NECTIN2: variants seen among roughly 807,000 people sequenced by gnomAD.
NECTIN2 encodes nectin cell adhesion molecule 2, also known as nectin-2.
In NECTIN2, 23 loss-of-function variants were observed where a neutral mutation model predicts 56.9. The observed-to-expected ratio is 0.40, with a 90% CI of 0.29 to 0.57. The LOEUF (loss-of-function observed/expected upper bound fraction) is 0.57, where lower values mean the gene tolerates loss of function less well. NECTIN2 is among the 20% of genes least tolerant of loss of function. The pLI is 0.38. For synonymous variants in NECTIN2, 302 were observed against 313.8 expected, an observed-to-expected ratio of 0.96 and a Z score of 0.40; for missense variants, 587 against 718.3, an observed-to-expected ratio of 0.82 and a Z score of 2.09.
rs552186909 is a variant in NECTIN2, at chr19:44,870,356, G to C, written c.479-1497G>C. 3.3e-5 allele frequency among the ~76,000 whole-genome samples: 5 copies of C among 152,272 alleles called. No individual in the cohort carries two copies. In the East Asian group the frequency reaches 9.7e-4, roughly 29 times the overall value. On this transcript the variant is annotated intron_variant, in intron 2 of 8. Transcript: ENST00000252483. ...TGTTGGATGCTCCACGATGGTCAGG[G>C]GAGAAGGCGGTGGGAAGGGAGAGCT...
chr19:44,882,745 G>A (rs1969321771), intron 6 of NECTIN2, among the ~76,000 whole-genome samples: 2 of 139,916 alleles, frequency 1.4e-5, no homozygotes, highest in Admixed American at 7.3e-5. Context: ...TGACCGCTCC[G>A]CTCTGCAAAG....
chr19:44,872,005 G>A lies in NECTIN2; in HGVS notation c.631G>A (p.Gly211Arg). 6.2e-7 allele frequency: 1 copy of A among 1,614,184 alleles called. No homozygotes were observed. The stretch of plus-strand genomic sequence containing the variant: ...GGAAGCCAAAGAGACTCAGGTGTCA[G>A]GGACCCTGGCCGGAACTGTCACTGT... ...DWEAKETQVSGTLAGTVTVTS... is the reference protein window; with the variant it reads ...DWEAKETQVSRTLAGTVTVTS... The change falls in exon 3 of 9, where the codon GGG becomes AGG. Residue 211 changes from glycine to arginine, a missense_variant. Transcript: ENST00000252483.
intron 1 of NECTIN2, among the ~76,000 whole-genome samples, chr19:44,857,456 T>C (rs1046109815): frequency 5.3e-5 from 8 of 151,650 alleles, no homozygotes; most frequent in East Asian, 1.9e-4. Context: ...GGCTGGAGTG[T>C]AGTGGCACAA....
intron 1 of NECTIN2, among the ~76,000 whole-genome samples, chr19:44,853,847 T>C (rs1313887960): frequency 6.6e-6 from 1 of 152,140 alleles, no homozygotes; most frequent in Non-Finnish European, 1.5e-5. Context: ...GGTACCAATC[T>C]CTCTTGCAGA....
chr19:44,865,334 A>G lies in NECTIN2; in HGVS notation c.152A>G (p.Glu51Gly). The G allele has an allele frequency of 6.2e-7, 1 of 1,614,052 alleles. No individual in the cohort carries two copies. The highest frequency in any genetic ancestry group is 8.5e-7 in the Non-Finnish European group (1 of 1,179,982). ...CGAGGCCAGCTCGGGGGCACCGTGGAGCTGCCGTGCCACCTGCTGCCACCT... is the reference window on the plus strand; with the variant it reads ...CGAGGCCAGCTCGGGGGCACCGTGGGGCTGCCGTGCCACCTGCTGCCACCT... The part of the protein sequence containing the change: ...EVRGQLGGTV[E>G]LPCHLLPPVP... Residue 51 changes from glutamate (E) to glycine (G), a missense_variant, in exon 2 of 9, where the codon GAG (glutamate) becomes GGG (glycine). Coordinates refer to ENST00000252483, the MANE Select transcript of NECTIN2 (RefSeq NM_001042724.2). This position sits in a 1 kb window ranked among gnomAD's most constrained non-coding sequence, Gnocchi z 5.2.
chr19:44,848,607 C>G (rs573925079), intron 1 of NECTIN2, among the ~76,000 whole-genome samples: 101 of 152,216 alleles, frequency 6.6e-4, no homozygotes, highest in Admixed American at 3.3e-3. Context: ...TGACCACCCC[C>G]ACCCCAATCC....
At chr19:44,858,850 C>G (rs1240263834) in intron 1 of NECTIN2, among the ~76,000 whole-genome samples, 1 of 151,970 alleles carries the variant, frequency 6.6e-6, no homozygotes, top group Non-Finnish European at 1.5e-5. Context: ...GCCATGTTGG[C>G]CAGTCTGGTC....
intron 6 of NECTIN2, among the ~76,000 whole-genome samples, chr19:44,883,863 T>C (rs1278769944): frequency 6.6e-6 from 1 of 151,992 alleles, no homozygotes; most frequent in Non-Finnish European, 1.5e-5. Flanking sequence ...CTCACACCTG[T>C]AATCCCAGCA....
intron 3 of NECTIN2, 71 bp downstream of exon 3, chr19:44,872,220 A>G: frequency 5.9e-6 from 9 of 1,528,604 alleles, no homozygotes; most frequent in Non-Finnish European, 8.0e-6. Flanking sequence ...CACTGTCTAC[A>G]TTGTCTCTGA....
chr19:44,881,723 C>CGCTG (rs1053106385), intron 5 of NECTIN2, among the ~76,000 whole-genome samples: 1 of 152,126 alleles, frequency 6.6e-6, no homozygotes, highest in Non-Finnish European at 1.5e-5. Context: ...CCTGCAGGGC[C>CGCTG]GCTGGCTGTT....
At chr19:44,861,422 G>T (rs919078496) in intron 1 of NECTIN2, among the ~76,000 whole-genome samples, 1 of 152,192 alleles carries the variant, frequency 6.6e-6, no homozygotes, top group Admixed American at 6.6e-5. Flanking sequence ...TGGAGGATTG[G>T]ATAAAGAAAA....
chr19:44,850,302 C>A (rs1191178576), intron 1 of NECTIN2, among the ~76,000 whole-genome samples: 3 of 151,972 alleles, frequency 2.0e-5, no homozygotes, highest in Non-Finnish European at 4.4e-5. Context: ...GAAGAGGCCC[C>A]GGAAGACACA....
At chr19:44,868,860 C>T (rs928312133) in intron 2 of NECTIN2, among the ~76,000 whole-genome samples, 2 of 151,308 alleles carry the variant, frequency 1.3e-5, no homozygotes, top group Admixed American at 6.6e-5. Flanking sequence ...TGCAGTGAGC[C>T]GAGATCGCGC....
chr19:44,871,177 A>C (rs561121046), intron 2 of NECTIN2, among the ~76,000 whole-genome samples: 2 of 152,020 alleles, frequency 1.3e-5, no homozygotes, highest in Non-Finnish European at 1.5e-5. Flanking sequence ...GCTTTTTTTT[A>C]AATCTCAGCC....
intron 6 of NECTIN2, among the ~76,000 whole-genome samples, chr19:44,882,751 CAA>C (rs1255828155): frequency 6.9e-6 from 1 of 144,240 alleles, no homozygotes; most frequent in Non-Finnish European, 1.5e-5. Flanking sequence ...CTCCGCTCTG[CAA>C]AGACTCCTCG....
intron 6 of NECTIN2, among the ~76,000 whole-genome samples, chr19:44,883,416 A>G (rs1969329277): frequency 6.6e-6 from 1 of 152,180 alleles, no homozygotes; most frequent in Non-Finnish European, 1.5e-5. Context: ...CTGGGATTAC[A>G]GATGCGCGCC....
rs762863777 is a variant in NECTIN2, at chr19:44,874,076, G to A, written c.893+43G>A. ...AGAACCCTGGGTCTGAGGGAGGCGG[G>A]GCTGGGGGCCTGGACTCCTGGATCT... On this transcript the variant is annotated intron_variant, in intron 4 of 8. Transcript: ENST00000252483. This position sits in a 1 kb window ranked among gnomAD's most constrained non-coding sequence, Gnocchi z 6.3. 1.3e-6 allele frequency: 2 copies of A among 1,516,580 alleles called. No individual in the cohort carries two copies. Among genetic ancestry groups the A allele is most frequent in the East Asian group, 2.3e-5 (1 of 44,158 alleles). 93.9% of individuals were successfully genotyped at this position (1,516,580 alleles called of 1,614,324 possible).
In NECTIN2 at chr19:44,873,996, C is replaced by T. The variant is rs1159818423; in HGVS notation, c.856C>T (p.Arg286Cys). ...RTDATLSCDV[R>C]SNPEPTGYDW... ...TGATGCCACCCTGAGCTGTGACGTC[C>T]GCAGCAACCCAGAGCCCACGGGCTA... Residue 286 changes from arginine (R) to cysteine (C), a missense_variant, in exon 4 of 9, where the codon CGC becomes TGC. Coordinates refer to ENST00000252483, the MANE Select transcript of NECTIN2 (RefSeq NM_001042724.2). 6 of 1,613,808 alleles carry T rather than the reference C, an allele frequency of 3.7e-6. No homozygotes were observed. Among genetic ancestry groups the T allele is most frequent in the Admixed American group, 1.7e-5 (1 of 59,966 alleles).
intron 2 of NECTIN2, among the ~76,000 whole-genome samples, chr19:44,868,124 G>A (rs1242475102): frequency 6.6e-6 from 1 of 152,082 alleles, no homozygotes; most frequent in South Asian, 2.1e-4. Flanking sequence ...CACTTTAGGA[G>A]GCCAAGGTGG....
Sources: gnomAD v4.1 joint callset for allele counts (sites outside exome capture counted in the v4.1 genomes callset) on GRCh38, gnomAD v4.1.1 for gene constraint, Gnocchi (gnomAD v3.1) non-coding constraint, MANE v1.5 for transcripts, NCBI Gene and HGNC (gene_info 2026-07-23, HGNC 2026-07-21) for gene names.